The following YIPF7 variants were observed in gnomAD, a reference collection of about 807,000 sequenced individuals.
The protein encoded by YIPF7 is protein YIPF7.
YIPF7 carries 35 observed loss-of-function variants against 27.2 expected under a neutral mutation model. That is an observed-to-expected ratio of 1.29 (90% CI 0.98 to 1.70). YIPF7 has a LOEUF of 1.70. Ranked by LOEUF, YIPF7 falls within the 40% of genes most tolerant of loss-of-function variation. YIPF7 has a pLI of 0.00. For missense variants in YIPF7, 358 were observed against 303.7 expected (o/e 1.18, Z -1.33); for synonymous variants, 137 against 110.4 (o/e 1.24, Z -1.51).
At chr4:44,635,478 T>A (rs1713083408) in intron 3 of YIPF7, among the ~76,000 whole-genome samples, 1 of 152,118 alleles carries the variant, frequency 6.6e-6, no homozygotes, top group African/African-American at 2.4e-5. Flanking sequence ...TGTCTCCATG[T>A]CAACAATGAC....
chr4:44,634,731 G>C (rs372898342), intron 3 of YIPF7, among the ~76,000 whole-genome samples: 3 of 152,264 alleles, frequency 2.0e-5, no homozygotes, highest in South Asian at 2.1e-4. Flanking sequence ...GTTAATGATA[G>C]TCATGTCTTT....
chr4:44,633,192 C>G (rs567421313), intron 3 of YIPF7, among the ~76,000 whole-genome samples: 1 of 152,156 alleles, frequency 6.6e-6, no homozygotes, highest in South Asian at 2.1e-4. Context: ...TTGTCTTCCA[C>G]AAAACTGTTC....
intron 2 of YIPF7, among the ~76,000 whole-genome samples, chr4:44,642,575 A>T (rs1324945978): frequency 1.3e-5 from 2 of 152,130 alleles, no homozygotes; most frequent in African/African-American, 2.4e-5. Flanking sequence ...CTGTGTCCCC[A>T]CCCAAATCTC....
In YIPF7 at chr4:44,626,550, T is replaced by C. The variant is rs16857267; in HGVS notation, c.427-1768A>G. Among the ~76,000 whole-genome samples the C allele has an allele frequency of 9.0e-3, 1,376 of 152,218 alleles. 23 individuals carry two copies. The highest frequency in any genetic ancestry group is 0.032 in the African/African-American group (1,312 of 41,522). ...GCTAATTTGGTAGTAAAGTTGTGTC[T>C]TTTCATGGCAGTTATGTGCTTCTCT... On this transcript the variant is annotated intron_variant, in intron 4 of 5. Coordinates refer to ENST00000415895, the MANE Select transcript of YIPF7 (RefSeq NM_182592.3).
Position 44,622,554 on chromosome 4 carries a change from A to G in YIPF7, c.631T>C (p.Ser211Pro). Residue 211 changes from serine to proline, a missense_variant, in exon 6 of 6, where the codon TCC becomes CCC. Transcript: ENST00000415895. ...SLQGIFGIMS[S>P]LVIIGWCSLS... ...CTACACCAGCCAATGATGACCAGGG[A>G]TGACATGATTCCAAAGATGCCCCTG... The G allele has an allele frequency of 6.2e-7, 1 of 1,613,718 alleles. No individual in the cohort carries two copies. Among genetic ancestry groups the G allele is most frequent in the Middle Eastern group, 1.7e-4 (1 of 6,058 alleles).
upstream of YIPF7, among the ~76,000 whole-genome samples, chr4:44,654,027 T>C (rs1317520559): frequency 2.0e-5 from 3 of 152,014 alleles, no homozygotes; most frequent in East Asian, 1.9e-4. Context: ...GAAAATGGCA[T>C]ATAAAAAAAT....
At chr4:44,629,193 A>G (rs935436422) in intron 4 of YIPF7, 28 of 472,132 alleles carry the variant, frequency 5.9e-5, no homozygotes, top group Non-Finnish European at 1.7e-5. Flanking sequence ...CTGCTTCTTG[A>G]TTTTTGAAAT....
chr4:44,628,736 T>C (rs1226514238), intron 4 of YIPF7, among the ~76,000 whole-genome samples: 1 of 152,180 alleles, frequency 6.6e-6, no homozygotes, highest in Non-Finnish European at 1.5e-5. Flanking sequence ...TAGGTGGAAG[T>C]ACATTTTTCT....
intron 2 of YIPF7, among the ~76,000 whole-genome samples, chr4:44,658,049 C>G (rs1162121334): frequency 6.6e-6 from 1 of 151,838 alleles, no homozygotes. Context: ...TGAGACCCCA[C>G]CTTTATAAAA....
intron 2 of YIPF7, among the ~76,000 whole-genome samples, chr4:44,660,126 A>AAAAAAAAAAAAAAAC (rs1714006688): frequency 6.8e-6 from 1 of 146,256 alleles, no homozygotes; most frequent in Non-Finnish European, 1.5e-5. Flanking sequence ...AAAAAAAAAA[A>AAAAAAAAAAAAAAAC]AAAAAAAAAA....
intron 1 of YIPF7, among the ~76,000 whole-genome samples, chr4:44,661,764 C>A (rs1308139433): frequency 1.3e-5 from 2 of 152,168 alleles, no homozygotes; most frequent in Non-Finnish European, 2.9e-5. Context: ...AATGTACATT[C>A]AACCAAAAGT....
At chr4:44,623,197 T>C (rs1352251370) in intron 5 of YIPF7, among the ~76,000 whole-genome samples, 3 of 152,186 alleles carry the variant, frequency 2.0e-5, no homozygotes, top group Admixed American at 2.0e-4. Flanking sequence ...AAAAAGTAAC[T>C]GTGGAGGCAA....
intron 5 of YIPF7, among the ~76,000 whole-genome samples, chr4:44,624,006 T>A (rs1712529772): frequency 6.6e-6 from 1 of 152,072 alleles, no homozygotes; most frequent in Non-Finnish European, 1.5e-5. Flanking sequence ...ATGACAATAG[T>A]TCACATTGAA....
chr4:44,633,327 T>C (rs947837486), intron 3 of YIPF7, among the ~76,000 whole-genome samples: 2 of 152,140 alleles, frequency 1.3e-5, no homozygotes, highest in African/African-American at 2.4e-5. Flanking sequence ...TTGAAAGACA[T>C]GTTAGAGGAG....
intron 2 of YIPF7, among the ~76,000 whole-genome samples, chr4:44,648,308 A>T (rs1713598104): frequency 6.6e-6 from 1 of 152,088 alleles, no homozygotes; most frequent in Non-Finnish European, 1.5e-5. Flanking sequence ...TGAAAACTAG[A>T]AATCCGAAAT....
Position 44,634,629 on chromosome 4 carries a change from C to T in YIPF7, c.280+1293G>A, listed in dbSNP as rs1041459511. Reference sequence around the variant, plus strand: ...TATTCATTGAAAAAATAGTATTTTACTTTAAAGTATGCATGTATATTCATA... The same window carrying T: ...TATTCATTGAAAAAATAGTATTTTATTTTAAAGTATGCATGTATATTCATA... On this transcript the variant is annotated intron_variant, in intron 3 of 5. Coordinates refer to ENST00000415895, the MANE Select transcript of YIPF7 (RefSeq NM_182592.3). Among the ~76,000 whole-genome samples, 4 of 152,120 alleles carry T rather than the reference C, an allele frequency of 2.6e-5. 1 individual carries two copies. The South Asian group carries it at 8.3e-4, about 32-fold the overall frequency.
chr4:44,622,885 A>G (rs1445530746), intron 5 of YIPF7, among the ~76,000 whole-genome samples: 1 of 152,202 alleles, frequency 6.6e-6, no homozygotes, highest in Admixed American at 6.5e-5. Flanking sequence ...CCTTAAATAC[A>G]GCATTGAGAG....
chr4:44,622,580 C>A lies in YIPF7; in HGVS notation c.609-4G>T, dbSNP rs762406788. Reference sequence around the variant, plus strand: ...TGACATGATTCCAAAGATGCCCCTGCAGCAAAGACAAAGAAATGATTGCCT... The same window carrying A: ...TGACATGATTCCAAAGATGCCCCTGAAGCAAAGACAAAGAAATGATTGCCT... On this transcript the variant is annotated splice_polypyrimidine_tract_variant and splice_region_variant and intron_variant, in intron 5 of 5. Coordinates refer to ENST00000415895, the MANE Select transcript of YIPF7 (RefSeq NM_182592.3). The A allele has an allele frequency of 6.8e-6, 11 of 1,611,564 alleles. No individual in the cohort carries two copies. The Admixed American group carries it at 1.0e-4, about 15-fold the overall frequency.
At chr4:44,651,672 T>C (rs777625530), upstream of YIPF7, 5 of 1,407,670 alleles carry the variant, frequency 3.6e-6, no homozygotes, top group African/African-American at 1.5e-5. Context: ...TCTAAATTTG[T>C]ATTCTGACAC....
Sources: allele counts gnomAD v4.1 joint callset (sites outside exome capture counted in the v4.1 genomes callset), GRCh38; gene constraint gnomAD v4.1.1; transcripts MANE v1.5; gene names NCBI Gene and HGNC (gene_info 2026-07-23, HGNC 2026-07-21).